FAIM2: variants seen among roughly 807,000 people sequenced by gnomAD.
FAIM2 encodes Fas apoptotic inhibitory molecule 2.
Under a neutral mutation model 47.4 loss-of-function variants are expected in FAIM2, and 27 were observed. The ratio of observed to expected loss-of-function variants is 0.57; its 90% confidence interval spans 0.42 to 0.78. The LOEUF (loss-of-function observed/expected upper bound fraction) is 0.78, where lower values mean the gene tolerates loss of function less well. Ranked by LOEUF, FAIM2 falls within the 30% of genes least tolerant of loss-of-function variation. The pLI, the probability that FAIM2 is intolerant of heterozygous loss-of-function variation, is 0.00. For synonymous variants in FAIM2, 156 were observed against 159.3 expected (o/e 0.98, Z 0.16); for missense variants, 311 against 389.4 (o/e 0.80, Z 1.69).
At chr12:49,883,498 A>C (rs1388958740) in intron 11 of FAIM2, among the ~76,000 whole-genome samples, 1 of 151,996 alleles carries the variant, frequency 6.6e-6, no homozygotes, top group Admixed American at 6.5e-5. Context: ...CATCCAGGGG[A>C]AGGGGCAGGA....
At chr12:49,879,322 G>T (rs1442016426) in intron 11 of FAIM2, among the ~76,000 whole-genome samples, 1 of 63,392 alleles carries the variant, frequency 1.6e-5, no homozygotes, top group Non-Finnish European at 2.8e-5. Flanking sequence ...ATGTGTATAT[G>T]TGCGTGTGTA....
intron 11 of FAIM2, among the ~76,000 whole-genome samples, chr12:49,877,810 G>A (rs961396300): frequency 5.9e-5 from 9 of 151,858 alleles, no homozygotes; most frequent in African/African-American, 7.3e-5. Flanking sequence ...GTGAGTGTGC[G>A]TATGTGTATG....
Position 49,901,292 on chromosome 12 carries a change from C to T in FAIM2, c.49G>A (p.Gly17Arg). The T allele has an allele frequency of 1.9e-6, 3 of 1,603,348 alleles. No individual in the cohort carries two copies. Among genetic ancestry groups the T allele is most frequent in the Non-Finnish European group, 2.6e-6 (3 of 1,175,866 alleles). The change falls in exon 2 of 12, where the codon GGG (glycine) becomes AGG (arginine). Residue 17 changes from glycine (G) to arginine (R), a missense_variant. By Grantham distance (125) the Gly-to-Arg change is moderately radical (BLOSUM62 -2). Coordinates refer to ENST00000320634, the MANE Select transcript of FAIM2 (RefSeq NM_012306.4). ...SVANKAPGTE[G>R]QQQVHGEKKE... ...TTCTCGCCATGCACCTGCTGCTGCCCCTCGGTCCCAGGGGCCTTGTTAGCC... is the reference window on the plus strand; with the variant it reads ...TTCTCGCCATGCACCTGCTGCTGCCTCTCGGTCCCAGGGGCCTTGTTAGCC...
At chr12:49,871,304 G>C (rs1946701026) in intron 11 of FAIM2, among the ~76,000 whole-genome samples, 1 of 152,178 alleles carries the variant, frequency 6.6e-6, no homozygotes, top group African/African-American at 2.4e-5. Context: ...CGGAGCCCCA[G>C]GTGTAAACAT....
Position 49,901,212 on chromosome 12 carries a change from A to C in FAIM2, c.129T>G (p.Ser43=). The part of the protein sequence containing the change: ...SAPPSYEEAT[S]GEGMKAGAFP... ...AGGCCCCTGCCTTCATCCCCTCCCC[A>C]GAGGTGGCTTCCTCATAGGAGGGTG... Residue 43 remains serine (S), a synonymous_variant, in exon 2 of 12, where the codon TCT becomes TCG. Transcript: ENST00000320634. 1 of 1,612,066 alleles carries C rather than the reference A, an allele frequency of 6.2e-7. No homozygotes were observed. Among genetic ancestry groups the C allele is most frequent in the Non-Finnish European group, 8.5e-7 (1 of 1,179,140 alleles).
In FAIM2 at chr12:49,887,577, AGT is replaced by A. The variant is rs1313963709; in HGVS notation, c.748-140_748-139del. On this transcript the variant is annotated intron_variant, in intron 10 of 11. Transcript: ENST00000320634. ...CTCCCTAAGGAGCCCCAGGACTGAC[AGT>A]GGCCCCTGATTCTCTGTGTGCCCAG... 2.9e-5 allele frequency: 21 copies of A among 732,608 alleles called. No individual in the cohort carries two copies. In the East Asian group the frequency reaches 5.4e-4, roughly 19 times the overall value. 45.4% of individuals were successfully genotyped at this position (732,608 alleles called of 1,614,324 possible).
Position 49,903,816 on chromosome 12 carries a change from T to A in FAIM2, c.-24A>T, listed in dbSNP as rs1342513117. ...ATGGTGCCGTCTCTCGGGGAAGGGGTCCCTGAGGCCCGGGTGGCCGCTTGG... is the reference window on the plus strand; with the variant it reads ...ATGGTGCCGTCTCTCGGGGAAGGGGACCCTGAGGCCCGGGTGGCCGCTTGG... On this transcript the variant is annotated 5_prime_UTR_variant, in exon 1 of 12. Coordinates refer to ENST00000320634, the MANE Select transcript of FAIM2 (RefSeq NM_012306.4). 2.0e-6 allele frequency: 3 copies of A among 1,535,748 alleles called. No homozygotes were observed. The highest frequency in any genetic ancestry group is 2.6e-6 in the Non-Finnish European group (3 of 1,139,600).
chr12:49,896,782 A>G (rs536536425), intron 5 of FAIM2, among the ~76,000 whole-genome samples: 11 of 152,206 alleles, frequency 7.2e-5, no homozygotes, highest in African/African-American at 2.4e-4. Context: ...ACCCTTCCCA[A>G]TTTGCGCAGG....
intron 11 of FAIM2, among the ~76,000 whole-genome samples, chr12:49,871,649 TTTTTCTTTTC>T (rs777209850): frequency 1.3e-5 from 2 of 150,360 alleles, no homozygotes; most frequent in African/African-American, 2.5e-5. Flanking sequence ...ATTGGAATTT[TTTTTCTTTTC>T]TTTTCTTTTC....
intron 11 of FAIM2, among the ~76,000 whole-genome samples, chr12:49,879,086 C>CTA (rs1475136600): frequency 2.5e-5 from 3 of 121,088 alleles, no homozygotes; most frequent in Non-Finnish European, 3.4e-5. Flanking sequence ...GTGTATGTGT[C>CTA]TGTGTGCATG....
chr12:49,869,248 G>C lies in FAIM2; in HGVS notation c.*1256C>G, dbSNP rs1359435030. ...CCAGCCGCCTGGAAGCTGATAAGGA[G>C]CCCTGGCCTCATTACATGGGACCAG... On this transcript the variant is annotated 3_prime_UTR_variant, in exon 12 of 12. Transcript: ENST00000320634. 1.3e-5 allele frequency: 2 copies of C among 152,878 alleles called. No individual in the cohort carries two copies. The highest frequency in any genetic ancestry group is 2.9e-5 in the Non-Finnish European group (2 of 68,266). The allele number at this position is 152,878 out of a possible 1,614,324, so 9.5% of individuals were successfully genotyped here. A position where few individuals can be genotyped will look rare whatever the true frequency, so the allele number is the denominator to read the frequency against.
chr12:49,894,584 G>A (rs1451552102), intron 5 of FAIM2, among the ~76,000 whole-genome samples: 3 of 152,208 alleles, frequency 2.0e-5, no homozygotes, highest in African/African-American at 7.2e-5. Context: ...CCCAGGGCCT[G>A]GGCAGGAACC....
intron 11 of FAIM2, among the ~76,000 whole-genome samples, chr12:49,881,304 T>G (rs1946824199): frequency 6.6e-6 from 1 of 152,208 alleles, no homozygotes; most frequent in Non-Finnish European, 1.5e-5. Flanking sequence ...TTAGCAACTG[T>G]CAGTGGCTCC....
chr12:49,894,399 C>T (rs1184908797), intron 5 of FAIM2, among the ~76,000 whole-genome samples: 4 of 152,090 alleles, frequency 2.6e-5, no homozygotes, highest in African/African-American at 9.7e-5. Flanking sequence ...CACGGTGGCT[C>T]AGTGGGCACA....
At chr12:49,880,170 G>GTCTGTGCA (rs1181842113) in intron 11 of FAIM2, among the ~76,000 whole-genome samples, 1 of 144,380 alleles carries the variant, frequency 6.9e-6, no homozygotes, top group Admixed American at 6.9e-5. Context: ...ATGTGTGTAT[G>GTCTGTGCA]TGTGTGTATG....
chr12:49,880,220 ATG>A (rs1946802834), intron 11 of FAIM2, among the ~76,000 whole-genome samples: 2 of 120,066 alleles, frequency 1.7e-5, no homozygotes, highest in African/African-American at 6.6e-5. Context: ...ATGTGTGTAT[ATG>A]TGCATGCATG....
chr12:49,880,458 ATGTG>A (rs144354032), intron 11 of FAIM2, among the ~76,000 whole-genome samples: 29 of 147,068 alleles, frequency 2.0e-4, no homozygotes, highest in Non-Finnish European at 4.2e-4. Flanking sequence ...GTGCATGTGT[ATGTG>A]TGTGTGCATG....
chr12:49,878,262 ATGTG>A (rs148972719), intron 11 of FAIM2, among the ~76,000 whole-genome samples: 2 of 126,634 alleles, frequency 1.6e-5, no homozygotes, highest in Middle Eastern at 4.0e-3. Context: ...GTGTATGTGC[ATGTG>A]TGTGTCCATG....
chr12:49,886,538 C>T (rs1946862650), intron 11 of FAIM2, among the ~76,000 whole-genome samples: 1 of 152,074 alleles, frequency 6.6e-6, no homozygotes, highest in African/African-American at 2.4e-5. Context: ...TGCAGTGGCG[C>T]GATCTCGGCT....
Sources: gnomAD v4.1 joint callset for allele counts (sites outside exome capture counted in the v4.1 genomes callset) on GRCh38, gnomAD v4.1.1 for gene constraint, MANE v1.5 for transcripts, NCBI Gene and HGNC (gene_info 2026-07-23, HGNC 2026-07-21) for gene names.